Variants in SOX5 observed in about 807,000 individuals in gnomAD.
The protein encoded by SOX5 is transcription factor SOX-5.
In SOX5, 9 loss-of-function variants were observed where a neutral mutation model predicts 92.0. The observed-to-expected ratio is 0.10, with a 90% CI of 0.06 to 0.17. SOX5 has a LOEUF of 0.17. SOX5 is among the 10% of genes least tolerant of loss of function. The probability of loss-of-function intolerance (pLI) is 1.00; values close to 1 mark genes in which losing one functional copy is unlikely to be tolerated. For missense variants in SOX5, 642 were observed against 944.5 expected, an observed-to-expected ratio of 0.68 and a Z score of 4.20; for synonymous variants, 344 against 336.3, an observed-to-expected ratio of 1.02 and a Z score of -0.25.
chr12:24,508,276 A>G (rs926624718), intron 1 of SOX5, among the ~76,000 whole-genome samples: 2 of 152,194 alleles, frequency 1.3e-5, no homozygotes, highest in African/African-American at 2.4e-5. Flanking sequence ...CTCAGTGAGA[A>G]GCCTACTGAA....
rs1316069440 is a variant in SOX5 at position 24,245,980 on chromosome 12, G to T, written c.-77+31236C>A. Among the ~76,000 whole-genome samples, 6 of 152,094 alleles carry T rather than the reference G, an allele frequency of 3.9e-5. No individual in the cohort carries two copies. In the South Asian group the frequency reaches 1.2e-3, roughly 32 times the overall value. ...CAGAAAATGGCTTTAGTGTAGAACT[G>T]TATGTTTATTAAGTGTTTCTGTGTT... On this transcript the variant is annotated intron_variant, in intron 3 of 4. Coordinates refer to the SOX5 transcript ENST00000446891.
At chr12:23,926,849 G>T (rs1157727715) in intron 1 of SOX5, among the ~76,000 whole-genome samples, 2 of 152,042 alleles carry the variant, frequency 1.3e-5, no homozygotes, top group Admixed American at 6.6e-5. Context: ...AGATTGCAAG[G>T]TTCGTCAACT....
At chr12:24,326,966 G>C (rs557268) in intron 2 of SOX5, among the ~76,000 whole-genome samples, 133,145 of 152,146 alleles carry the variant, frequency 0.88, 58,555 homozygotes, top group East Asian at 0.98. Context: ...GAGGTTTTGT[G>C]TTTTTTGCTA....
At chr12:23,911,305 AC>A (rs1271778515) in intron 1 of SOX5, among the ~76,000 whole-genome samples, 2 of 152,104 alleles carry the variant, frequency 1.3e-5, no homozygotes, top group Non-Finnish European at 2.9e-5. Context: ...AAACTAAACC[AC>A]TAAGGAAGAC....
At chr12:23,758,731 G>A (rs1045727655) in intron 3 of SOX5, among the ~76,000 whole-genome samples, 9 of 151,922 alleles carry the variant, frequency 5.9e-5, no homozygotes, top group Admixed American at 2.0e-4. Flanking sequence ...AAAGTGTTGG[G>A]AGGTGAGGCC....
At position 23,570,928 on chromosome 12, in the gene SOX5, AAAATATATATATATATATATATATAT is replaced by A. The variant is rs1440949006; in HGVS notation, c.1342+4707_1342+4732del. On this transcript the variant is annotated intron_variant, in intron 10 of 14. Coordinates refer to ENST00000451604, the MANE Select transcript of SOX5 (RefSeq NM_006940.6). ...TCCAACTCAAAAAAAAAAAAAAAAA[AAAATATATATATATATATATATATAT>A]ATATATATATATATATATATATATA... Among the ~76,000 whole-genome samples the A allele has an allele frequency of 5.1e-3, 119 of 23,194 alleles. 12 individuals carry two copies. Among genetic ancestry groups the A allele is most frequent in the African/African-American group, 7.9e-3 (43 of 5,462 alleles). 15.2% of individuals were successfully genotyped at this position (23,194 alleles called of 152,430 possible).
intron 3 of SOX5, among the ~76,000 whole-genome samples, chr12:23,806,830 T>A (rs1368136049): frequency 6.6e-6 from 1 of 152,192 alleles, no homozygotes; most frequent in African/African-American, 2.4e-5. Flanking sequence ...ATAATTTTCT[T>A]CATGCCTACA....
chr12:24,087,246 G>A (rs1038560741), intron 4 of SOX5, among the ~76,000 whole-genome samples: 2 of 151,782 alleles, frequency 1.3e-5, no homozygotes, highest in Non-Finnish European at 2.9e-5. Context: ...TCCAGGAATT[G>A]CCAAAATTTT....
At chr12:24,329,810 G>A (rs765546329) in intron 2 of SOX5, among the ~76,000 whole-genome samples, 1 of 152,188 alleles carries the variant, frequency 6.6e-6, no homozygotes, top group African/African-American at 2.4e-5. Flanking sequence ...ATCATCTGAG[G>A]TCAGGAGTTT....
At chr12:23,988,883 C>T (rs1000732551) in intron 4 of SOX5, among the ~76,000 whole-genome samples, 4 of 152,164 alleles carry the variant, frequency 2.6e-5, no homozygotes, top group Admixed American at 2.6e-4. Flanking sequence ...TTTTCCACCA[C>T]TCCAGTGGGA....
intron 6 of SOX5, among the ~76,000 whole-genome samples, chr12:23,731,034 T>C (rs951349339): frequency 6.5e-4 from 99 of 152,252 alleles, no homozygotes; most frequent in African/African-American, 2.2e-3. Context: ...CTGCTGAGGA[T>C]CCAGAAAGAA....
Position 23,575,708 on chromosome 12 carries a change from G to C in SOX5, c.1295C>G (p.Ser432Cys). Reference sequence around the variant, plus strand: ...AGGACTAGCTAACGCTGCTGGGACAGAGGCTTTGAGGGGGCCTGCCCCACT... The same window carrying C: ...AGGACTAGCTAACGCTGCTGGGACACAGGCTTTGAGGGGGCCTGCCCCACT... ...INSGAGPLKASVPAALASPSA... is the reference protein window; with the variant it reads ...INSGAGPLKACVPAALASPSA... The change falls in exon 10 of 15, where the codon TCT becomes TGT. Residue 432 changes from serine to cysteine, a missense_variant. Around this residue, in one of 8 missense-constraint regions of SOX5, gnomAD observed 324 missense variants for 461.6 expected, o/e 0.70. Transcript: ENST00000451604. The C allele has an allele frequency of 6.2e-7, 1 of 1,614,210 alleles. No individual in the cohort carries two copies. The highest frequency in any genetic ancestry group is 8.5e-7 in the Non-Finnish European group (1 of 1,180,014).
At chr12:24,224,187 A>G (rs1180669111) in intron 3 of SOX5, among the ~76,000 whole-genome samples, 1 of 152,070 alleles carries the variant, frequency 6.6e-6, no homozygotes, top group Non-Finnish European at 1.5e-5. Context: ...AAGATCATCT[A>G]ATGAGGGACA....
intron 7 of SOX5, among the ~76,000 whole-genome samples, chr12:23,656,203 T>C (rs1358542542): frequency 6.6e-6 from 1 of 151,226 alleles, no homozygotes; most frequent in Non-Finnish European, 1.5e-5. Flanking sequence ...TTTTTTCTGA[T>C]AGAATTCATT....
At chr12:23,550,746 C>G (rs746947335) in intron 11 of SOX5, among the ~76,000 whole-genome samples, 4 of 151,670 alleles carry the variant, frequency 2.6e-5, no homozygotes, top group Non-Finnish European at 5.9e-5. Flanking sequence ...CATATTTAAA[C>G]TGAAAAATTT....
rs1198178772 is a variant in SOX5, at chr12:23,533,389, A to G, written c.*830T>C. ...AAGTCAAATCTCACCAGCTGCTGGTATTTCAGGTTTTTCAAGGGATTGTCT... is the reference window on the plus strand; with the variant it reads ...AAGTCAAATCTCACCAGCTGCTGGTGTTTCAGGTTTTTCAAGGGATTGTCT... On this transcript the variant is annotated 3_prime_UTR_variant, in exon 15 of 15. Coordinates refer to ENST00000451604, the MANE Select transcript of SOX5 (RefSeq NM_006940.6). 2 of 275,212 alleles carry G rather than the reference A, an allele frequency of 7.3e-6. No individual in the cohort carries two copies. The highest frequency in any genetic ancestry group is 8.6e-5 in the East Asian group (1 of 11,684). 17.0% of individuals were successfully genotyped at this position (275,212 alleles called of 1,614,324 possible).
chr12:23,753,121 A>C (rs2094233581), intron 4 of SOX5, among the ~76,000 whole-genome samples: 1 of 151,784 alleles, frequency 6.6e-6, no homozygotes, highest in African/African-American at 2.4e-5. Flanking sequence ...AAACTCTCCA[A>C]ATCAAATGCT....
intron 8 of SOX5, among the ~76,000 whole-genome samples, chr12:23,611,369 CGTGTGT>C (rs3030241): frequency 2.5e-4 from 34 of 137,090 alleles, no homozygotes; most frequent in Non-Finnish European, 3.4e-4. Context: ...TGTGTGTGTG[CGTGTGT>C]GTGTGTGTGT....
At chr12:24,398,627 A>G (rs1960681842) in intron 1 of SOX5, among the ~76,000 whole-genome samples, 1 of 152,258 alleles carries the variant, frequency 6.6e-6, no homozygotes. Context: ...AAGAATGTTG[A>G]GAAAAAGAAA....
Sources: allele counts gnomAD v4.1 joint callset (sites outside exome capture counted in the v4.1 genomes callset), GRCh38; gene constraint gnomAD v4.1.1; regional missense constraint gnomAD v4.1.1; transcripts MANE v1.5; gene names NCBI Gene and HGNC (gene_info 2026-07-23, HGNC 2026-07-21).